PRKAR1B: variants seen among roughly 807,000 people sequenced by gnomAD.
PRKAR1B encodes the protein protein kinase cAMP-dependent type I regulatory subunit beta.
PRKAR1B carries 22 observed loss-of-function variants against 46.5 expected under a neutral mutation model. That is an observed-to-expected ratio of 0.47 (90% CI 0.34 to 0.68). The LOEUF (loss-of-function observed/expected upper bound fraction) is 0.68. Among genes scored for constraint, PRKAR1B ranks in the 30% least tolerant of loss-of-function variants. PRKAR1B has a pLI of 0.01. For missense variants in PRKAR1B, 445 were observed against 535.6 expected (o/e 0.83, Z 1.67); for synonymous variants, 259 against 217.7 (o/e 1.19, Z -1.67).
At chr7:609,465 G>A (rs1289707630) in intron 4 of PRKAR1B, among the ~76,000 whole-genome samples, 1 of 152,062 alleles carries the variant, frequency 6.6e-6, no homozygotes, top group Non-Finnish European at 1.5e-5. Context: ...CATCACAGCT[G>A]CGGCTCCAGC....
chr7:636,396 T>A (rs371463941), intron 4 of PRKAR1B, among the ~76,000 whole-genome samples: 517 of 16,164 alleles, frequency 0.032, 18 homozygotes, highest in Middle Eastern at 0.1. Context: ...GGCCGCGCCC[T>A]CACGTCCTCC....
chr7:596,272 G>A lies in PRKAR1B; in HGVS notation c.582C>T (p.Ile194=). ...GCTCCCCGAAGCTGCCTCCCTCGCT[G>A]ATGTTGGTCACCCACTCTCCGTTCA... is the stretch of plus-strand genomic sequence containing the variant. ...VYVNGEWVTN[I]SEGGSFGELA... Residue 194 remains isoleucine, a synonymous_variant, in exon 7 of 11, where the codon ATC becomes ATT. Transcript: ENST00000537384. 6 of 1,613,778 alleles carry A rather than the reference G, an allele frequency of 3.7e-6. No homozygotes were observed. The highest frequency in any genetic ancestry group is 5.1e-6 in the Non-Finnish European group (6 of 1,179,816).
At position 666,637 on chromosome 7, in the gene PRKAR1B, G is replaced by C. The variant is rs1171838398; in HGVS notation, c.440+10592C>G. 6.6e-6 allele frequency among the ~76,000 whole-genome samples: 1 copy of C among 152,348 alleles called. No individual in the cohort carries two copies. The highest frequency in any genetic ancestry group is 1.9e-4 in the East Asian group (1 of 5,182). The stretch of plus-strand genomic sequence containing the variant: ...AGGCCCCCTCTCACTGGGTCTCAGA[G>C]CTCTGTTCAGTACAGTGAGGTGGGG... On this transcript the variant is annotated intron_variant, in intron 4 of 10. Coordinates refer to ENST00000537384, the MANE Select transcript of PRKAR1B (RefSeq NM_001164760.2). This position sits in a 1 kb window ranked among gnomAD's most constrained non-coding sequence, Gnocchi z 4.9.
At chr7:554,295 C>T (rs541058089) in intron 9 of PRKAR1B, among the ~76,000 whole-genome samples, 2 of 152,384 alleles carry the variant, frequency 1.3e-5, no homozygotes, top group South Asian at 2.1e-4. Context: ...GCCAAGCCCC[C>T]GCACAGGAGA....
intron 9 of PRKAR1B, among the ~76,000 whole-genome samples, chr7:553,251 G>A (rs1350913447): frequency 1.3e-5 from 2 of 152,284 alleles, no homozygotes; most frequent in African/African-American, 4.8e-5. Flanking sequence ...CCGGGGAAAC[G>A]GTCTGTCCTC....
chr7:706,051 C>A (rs1780306080), intron 2 of PRKAR1B, among the ~76,000 whole-genome samples: 1 of 151,988 alleles, frequency 6.6e-6, no homozygotes, highest in Non-Finnish European at 1.5e-5. Flanking sequence ...ATGAGCCGGG[C>A]GTGGTGGCTC....
chr7:697,156 G>T (rs566084518), intron 2 of PRKAR1B: 1 of 151,700 alleles, frequency 6.6e-6, no homozygotes, highest in Non-Finnish European at 1.5e-5. Flanking sequence ...CCCCAGAATC[G>T]AGGAACCCGG....
At chr7:687,064 G>A (rs1347984020) in intron 2 of PRKAR1B, among the ~76,000 whole-genome samples, 1 of 152,166 alleles carries the variant, frequency 6.6e-6, no homozygotes, top group African/African-American at 2.4e-5. Context: ...GGGTGATCCA[G>A]GATTACTAGC....
At position 602,255 on chromosome 7, in the gene PRKAR1B, T is replaced by A. The variant is rs920950943; in HGVS notation, c.549+3938A>T. Among the ~76,000 whole-genome samples, 1 of 150,116 alleles carries A rather than the reference T, an allele frequency of 6.7e-6. No homozygotes were observed. The highest frequency in any genetic ancestry group is 2.5e-5 in the African/African-American group (1 of 40,688). ...GGCACCGGCCTCTCCCACCACCCTGTCATGTATGAAGGAGTTACAGACGGC... is the reference window on the plus strand; with the variant it reads ...GGCACCGGCCTCTCCCACCACCCTGACATGTATGAAGGAGTTACAGACGGC... On this transcript the variant is annotated intron_variant, in intron 6 of 10. Coordinates refer to ENST00000537384, the MANE Select transcript of PRKAR1B (RefSeq NM_001164760.2). The surrounding 1 kb of genome is among the most constrained non-coding windows in gnomAD (Gnocchi z 6.4).
chr7:563,754 T>C (rs1257863589), intron 9 of PRKAR1B, among the ~76,000 whole-genome samples: 1 of 151,822 alleles, frequency 6.6e-6, no homozygotes, highest in Non-Finnish European at 1.5e-5. Context: ...TGTACGTGTG[T>C]GTGCTCAGGT....
chr7:709,215 G>C (rs1048328902), intron 2 of PRKAR1B, among the ~76,000 whole-genome samples: 1 of 150,740 alleles, frequency 6.6e-6, no homozygotes, highest in Non-Finnish European at 1.5e-5. Flanking sequence ...CACTTAAAGA[G>C]AGGTCTTTAA....
At chr7:629,591 A>G (rs1783618340) in intron 4 of PRKAR1B, among the ~76,000 whole-genome samples, 1 of 86,588 alleles carries the variant, frequency 1.2e-5, no homozygotes, top group African/African-American at 5.0e-5. Flanking sequence ...GGGCTGGAAA[A>G]CGCTGCAGGA....
rs781212550 is a variant in PRKAR1B at position 550,654 on chromosome 7, A to T, written c.974-52T>A. On this transcript the variant is annotated intron_variant, in intron 10 of 10. Coordinates refer to ENST00000537384, the MANE Select transcript of PRKAR1B (RefSeq NM_001164760.2). ...CTGGGCCTGGGGGTCCTGAGGCTGC[A>T]GCAGGGAAAGATTATGTCCAGGACC... The T allele has an allele frequency of 4.9e-6, 7 of 1,442,998 alleles. No individual in the cohort carries two copies. In the East Asian group the frequency reaches 7.1e-5, roughly 15 times the overall value. The allele number at this position is 1,442,998 out of a possible 1,614,324, so 89.4% of individuals were successfully genotyped here. A position where few individuals can be genotyped will look rare whatever the true frequency, so the allele number is the denominator to read the frequency against.
chr7:695,873 C>T (rs1236324425), intron 2 of PRKAR1B, among the ~76,000 whole-genome samples: 1 of 151,870 alleles, frequency 6.6e-6, no homozygotes, highest in Non-Finnish European at 1.5e-5. Context: ...AGCGTGTTAG[C>T]CATGATGGTC....
intron 8 of PRKAR1B, among the ~76,000 whole-genome samples, chr7:583,391 ACAC>A (rs749341347): frequency 0.37 from 46,646 of 126,556 alleles, 10,002 homozygotes; most frequent in African/African-American, 0.46. Flanking sequence ...GTGCACACTC[ACAC>A]CCCCCACACG....
At chr7:624,597 G>A (rs1783284827) in intron 4 of PRKAR1B, among the ~76,000 whole-genome samples, 1 of 152,176 alleles carries the variant, frequency 6.6e-6, no homozygotes, top group Non-Finnish European at 1.5e-5. Flanking sequence ...TTGGTGATTG[G>A]TTAATTAAGT....
chr7:607,286 T>C lies in PRKAR1B; in HGVS notation c.502+105A>G, dbSNP rs1021872302. 3 of 1,113,022 alleles carry C rather than the reference T, an allele frequency of 2.7e-6. No individual in the cohort carries two copies. In the African/African-American group the frequency reaches 4.7e-5, roughly 17 times the overall value. The allele number at this position is 1,113,022 out of a possible 1,614,324, so 68.9% of individuals were successfully genotyped here. On this transcript the variant is annotated intron_variant, in intron 5 of 10. Coordinates refer to ENST00000537384, the MANE Select transcript of PRKAR1B (RefSeq NM_001164760.2). ...ACCTCAGCCTCCCAAAGTGCTGGGA[T>C]TACAGGCGTGGGCCATCGTGCCTGC...
intron 2 of PRKAR1B, chr7:691,575 C>A: frequency 4.6e-6 from 6 of 1,304,448 alleles, no homozygotes; most frequent in Non-Finnish European, 6.1e-6. Context: ...TCCGCCTACA[C>A]GCAGTCCTTT....
Position 649,557 on chromosome 7 carries a change from C to T in PRKAR1B, c.440+27672G>A, listed in dbSNP as rs183893144. ...TATATTTACACTGATTTATATGTAG[C>T]GCCTTATTTATTTATTTATTTATTT... On this transcript the variant is annotated intron_variant, in intron 4 of 10. Transcript: ENST00000537384. Among the ~76,000 whole-genome samples the T allele has an allele frequency of 1.4e-3, 208 of 151,740 alleles. 1 individual carries two copies. Among genetic ancestry groups the T allele is most frequent in the African/African-American group, 4.5e-3 (184 of 41,232 alleles).
Sources: allele counts gnomAD v4.1 joint callset (sites outside exome capture counted in the v4.1 genomes callset), GRCh38; gene constraint gnomAD v4.1.1; non-coding constraint Gnocchi (gnomAD v3.1); transcripts MANE v1.5; gene names NCBI Gene and HGNC (gene_info 2026-07-23, HGNC 2026-07-21).